The following PALLD variants were observed in gnomAD, a reference collection of about 807,000 sequenced individuals.
PALLD encodes the protein palladin.
Under a neutral mutation model 123.5 loss-of-function variants are expected in PALLD, and 61 were observed. That is an observed-to-expected ratio of 0.49 (90% CI 0.40 to 0.61). PALLD has a LOEUF of 0.61. Among genes scored for constraint, PALLD ranks in the 20% least tolerant of loss-of-function variants. The pLI is 0.00. For synonymous variants in PALLD, 465 were observed against 496.4 expected, an observed-to-expected ratio of 0.94 and a Z score of 0.84; for missense variants, 1,273 against 1,377.0, an observed-to-expected ratio of 0.92 and a Z score of 1.20.
chr4:168,732,174 C>T (rs1246834651), intron 10 of PALLD, among the ~76,000 whole-genome samples: 8 of 152,280 alleles, frequency 5.3e-5, no homozygotes, highest in Admixed American at 3.3e-4. Flanking sequence ...CACTTTCATC[C>T]GAGTTTGTAG....
At chr4:168,543,744 T>C (rs1056787922) in intron 2 of PALLD, among the ~76,000 whole-genome samples, 2 of 152,212 alleles carry the variant, frequency 1.3e-5, no homozygotes, top group Non-Finnish European at 2.9e-5. Flanking sequence ...ATTGGCTCCC[T>C]CCAGCCTTTC....
At chr4:168,749,827 G>A (rs1208167905) in intron 10 of PALLD, among the ~76,000 whole-genome samples, 1 of 152,066 alleles carries the variant, frequency 6.6e-6, no homozygotes, top group Non-Finnish European at 1.5e-5. Context: ...TGTCACCCAG[G>A]TAGTAAGCAT....
At chr4:168,665,487 C>T (rs546773713) in intron 2 of PALLD, among the ~76,000 whole-genome samples, 6 of 152,202 alleles carry the variant, frequency 3.9e-5, no homozygotes, top group East Asian at 1.9e-4. Flanking sequence ...GGCATGAACC[C>T]GGGAGGCGGA....
chr4:168,595,199 A>G (rs573957232), intron 2 of PALLD, among the ~76,000 whole-genome samples: 1 of 152,296 alleles, frequency 6.6e-6, no homozygotes, highest in Admixed American at 6.5e-5. Flanking sequence ...GCTGTCTTTT[A>G]TTGAATCAAT....
intron 15 of PALLD, among the ~76,000 whole-genome samples, chr4:168,910,282 G>A (rs1431596607): frequency 7.3e-6 from 1 of 137,554 alleles, no homozygotes; most frequent in African/African-American, 2.8e-5. Context: ...TCAAGGATCT[G>A]TTTAGAGCTG....
At chr4:168,548,297 T>C (rs1269281930) in intron 2 of PALLD, among the ~76,000 whole-genome samples, 1 of 151,672 alleles carries the variant, frequency 6.6e-6, no homozygotes, top group Non-Finnish European at 1.5e-5. Context: ...TCTTCCTTAC[T>C]TTTTTTCAGA....
At chr4:168,822,643 C>T (rs1376387442) in intron 10 of PALLD, among the ~76,000 whole-genome samples, 1 of 152,192 alleles carries the variant, frequency 6.6e-6, no homozygotes, top group Non-Finnish European at 1.5e-5. Flanking sequence ...CACCAACGCT[C>T]TAGTAATTCA....
In PALLD at chr4:168,926,942, TG is replaced by T. The variant is rs1762648034; in HGVS notation, c.*763del. ...ATTAAATCATAAGGAAGGAACTACT[TG>T]CCTTAAATGTTAATATCAAAAGAGT... is the stretch of plus-strand genomic sequence containing the variant. On this transcript the variant is annotated 3_prime_UTR_variant, in exon 22 of 22. Coordinates refer to ENST00000505667, the MANE Select transcript of PALLD (RefSeq NM_001166108.2). The T allele has an allele frequency of 4.6e-6, 1 of 219,670 alleles. No individual in the cohort carries two copies. Among genetic ancestry groups the T allele is most frequent in the African/African-American group, 2.3e-5 (1 of 44,426 alleles). The allele number at this position is 219,670 out of a possible 1,614,324, so 13.6% of individuals were successfully genotyped here.
chr4:168,595,799 G>A (rs527340504), intron 2 of PALLD, among the ~76,000 whole-genome samples: 19 of 151,926 alleles, frequency 1.3e-4, no homozygotes, highest in African/African-American at 4.6e-4. Flanking sequence ...CCAGGGTGAG[G>A]GTAGAAAAAC....
intron 10 of PALLD, among the ~76,000 whole-genome samples, chr4:168,882,610 T>TG (rs1461248646): frequency 6.6e-6 from 1 of 152,052 alleles, no homozygotes; most frequent in East Asian, 1.9e-4. Flanking sequence ...AAACAGATAG[T>TG]GGGGGGCTTT....
intron 10 of PALLD, among the ~76,000 whole-genome samples, chr4:168,737,882 A>G (rs1264496021): frequency 1.3e-5 from 2 of 152,218 alleles, no homozygotes; most frequent in Admixed American, 1.3e-4. Context: ...ATGCTGTGGC[A>G]GTGGTTTCGG....
chr4:168,624,026 T>G (rs1342586024), intron 2 of PALLD, among the ~76,000 whole-genome samples: 1 of 152,110 alleles, frequency 6.6e-6, no homozygotes, highest in African/African-American at 2.4e-5. Context: ...TTTCAAGTGG[T>G]CAGGAAACAT....
chr4:168,509,915 C>G (rs1053282469), intron 1 of PALLD, among the ~76,000 whole-genome samples: 8 of 152,114 alleles, frequency 5.3e-5, no homozygotes. Context: ...TTCTACAACC[C>G]CCTCGACTCT....
chr4:168,652,918 C>T (rs1778194663), intron 2 of PALLD, among the ~76,000 whole-genome samples: 1 of 152,142 alleles, frequency 6.6e-6, no homozygotes, highest in Non-Finnish European at 1.5e-5. Flanking sequence ...GAGGACTGTG[C>T]CATTCTTTAG....
chr4:168,634,263 A>G (rs1040612249), intron 2 of PALLD, among the ~76,000 whole-genome samples: 4 of 152,236 alleles, frequency 2.6e-5, no homozygotes, highest in African/African-American at 9.6e-5. Context: ...GTAATGACAT[A>G]AACTTCGAGC....
chr4:168,627,947 C>T (rs1775457432), intron 2 of PALLD, among the ~76,000 whole-genome samples: 3 of 152,214 alleles, frequency 2.0e-5, no homozygotes, highest in African/African-American at 7.2e-5. Context: ...ATCAGACTGG[C>T]AAACATCCAG....
intron 10 of PALLD, among the ~76,000 whole-genome samples, chr4:168,773,718 C>G (rs1734761137): frequency 6.6e-6 from 1 of 152,168 alleles, no homozygotes; most frequent in Admixed American, 6.5e-5. Context: ...CGTCACTTGC[C>G]TTTTCTTATT....
intron 2 of PALLD, chr4:168,598,892 G>T: frequency 6.2e-6 from 1 of 160,546 alleles, no homozygotes; most frequent in Non-Finnish European, 1.4e-5. Flanking sequence ...TTATTGCCTT[G>T]GTTTCATATT....
chr4:168,793,019 G>C (rs886127969), intron 10 of PALLD, among the ~76,000 whole-genome samples: 1 of 151,230 alleles, frequency 6.6e-6, no homozygotes, highest in Non-Finnish European at 1.5e-5. Context: ...CACACACCTC[G>C]GCCTCCCAAA....
Sources: gnomAD v4.1 joint callset for allele counts (sites outside exome capture counted in the v4.1 genomes callset) on GRCh38, gnomAD v4.1.1 for gene constraint, MANE v1.5 for transcripts, NCBI Gene and HGNC (gene_info 2026-07-23, HGNC 2026-07-21) for gene names.